The following GIT2 variants were observed in gnomAD, a reference collection of about 807,000 sequenced individuals.
The protein encoded by GIT2 is GIT ArfGAP 2, also known as ARF GTPase-activating protein GIT2.
Under a neutral mutation model 100.3 loss-of-function variants are expected in GIT2, and 32 were observed. That is an observed-to-expected ratio of 0.32 (90% confidence interval 0.24 to 0.43). The LOEUF is 0.43. Ranked by LOEUF, GIT2 falls within the 20% of genes least tolerant of loss-of-function variation. The probability of loss-of-function intolerance (pLI) is 1.00; values close to 1 mark genes in which losing one functional copy is unlikely to be tolerated. For missense variants in GIT2, 737 were observed against 975.1 expected (o/e 0.76, Z 3.25); for synonymous variants, 353 against 364.1 (o/e 0.97, Z 0.35).
rs753491847 is a variant in GIT2 at position 109,962,420 on chromosome 12, C to T, written c.817-735G>A. Among the ~76,000 whole-genome samples, 4 of 152,204 alleles carry T rather than the reference C, an allele frequency of 2.6e-5. No individual in the cohort carries two copies. Among genetic ancestry groups the T allele is most frequent in the Non-Finnish European group, 4.4e-5 (3 of 68,030 alleles). On this transcript the variant is annotated intron_variant, in intron 9 of 19. Coordinates refer to ENST00000355312, the MANE Select transcript of GIT2 (RefSeq NM_057169.5). This position sits in a 1 kb window ranked among gnomAD's most constrained non-coding sequence, Gnocchi z 4.3. Reference sequence around the variant, plus strand: ...GATAAAATGTGCCCTTGCACAAAAACGTGACTCAGACCTCAGCTGAGTTTC... The same window carrying T: ...GATAAAATGTGCCCTTGCACAAAAATGTGACTCAGACCTCAGCTGAGTTTC...
At chr12:109,965,626 T>C in intron 8 of GIT2, 49 bp from the exon 9 acceptor site, 1 of 1,179,088 alleles carries the variant, frequency 8.5e-7, no homozygotes. Flanking sequence ...GCCAGACTTG[T>C]GAACTCTGTA....
chr12:109,933,903 G>T lies in GIT2; in HGVS notation c.2067+119C>A, dbSNP rs1025434929. On this transcript the variant is annotated intron_variant, in intron 19 of 19. Transcript: ENST00000355312. The surrounding 1 kb of genome is among the most constrained non-coding windows in gnomAD (Gnocchi z 4.5). ...GGCGTGAGCCACCACACCCGGCCTCGACTGCATATTTTAAAACTGCATGTG... is the reference window on the plus strand; with the variant it reads ...GGCGTGAGCCACCACACCCGGCCTCTACTGCATATTTTAAAACTGCATGTG... The T allele has an allele frequency of 1.4e-6, 1 of 708,818 alleles. No homozygotes were observed. The highest frequency in any genetic ancestry group is 2.6e-6 in the Non-Finnish European group (1 of 380,250). 43.9% of individuals were successfully genotyped at this position (708,818 alleles called of 1,614,324 possible).
rs1871922362 is a variant in GIT2 at position 109,933,005 on chromosome 12, G to A, written c.2253C>T (p.Thr751=). The change falls in exon 20 of 20, where the codon ACC becomes ACT. Residue 751 remains threonine (T), a synonymous_variant. Coordinates refer to ENST00000355312, the MANE Select transcript of GIT2 (RefSeq NM_057169.5). The surrounding 1 kb of genome is among the most constrained non-coding windows in gnomAD (Gnocchi z 4.5). ...DIAKAAKQLV[T]ITTKENNN ...AGTTGTTGTTCTCTTTGGTGGTGAT[G>A]GTAACCAGCTGCTTGGCAGCCTTGG... is the stretch of plus-strand genomic sequence containing the variant. 13 of 1,611,436 alleles carry A rather than the reference G, an allele frequency of 8.1e-6. No individual in the cohort carries two copies. Among genetic ancestry groups the A allele is most frequent in the Non-Finnish European group, 1.1e-5 (13 of 1,177,718 alleles).
Position 109,991,577 on chromosome 12 carries a change from G to A in GIT2, c.186+50C>T, listed in dbSNP as rs780256827. 8.9e-6 allele frequency: 13 copies of A among 1,467,850 alleles called. No individual in the cohort carries two copies. In the African/African-American group the frequency reaches 1.5e-4, roughly 17 times the overall value. 90.9% of individuals were successfully genotyped at this position (1,467,850 alleles called of 1,614,324 possible). A position where few individuals can be genotyped will look rare whatever the true frequency, so the allele number is the denominator to read the frequency against. Reference sequence around the variant, plus strand: ...GAGAAATTTAAGTTATTAACATGATGAGCCCTAAAATGTAAATTACCAACT... The same window carrying A: ...GAGAAATTTAAGTTATTAACATGATAAGCCCTAAAATGTAAATTACCAACT... On this transcript the variant is annotated intron_variant, in intron 2 of 19. Transcript: ENST00000355312.
At chr12:109,937,317 G>C (rs1873318505) in intron 18 of GIT2, among the ~76,000 whole-genome samples, 1 of 152,202 alleles carries the variant, frequency 6.6e-6, no homozygotes, top group African/African-American at 2.4e-5. Flanking sequence ...TGTGGAAGAA[G>C]AAAACAGAGA....
rs777598907 is a variant in GIT2 at position 109,967,521 on chromosome 12, T to C, written c.719-18A>G. 2.6e-6 allele frequency: 4 copies of C among 1,558,838 alleles called. No homozygotes were observed. The highest frequency in any genetic ancestry group is 1.7e-4 in the Middle Eastern group (1 of 5,918). Reference sequence around the variant, plus strand: ...TTTGTGATCTGAAACAGAAACCAAGTCAAAGTTTTGTTCATAGAAATGTTG... The same window carrying C: ...TTTGTGATCTGAAACAGAAACCAAGCCAAAGTTTTGTTCATAGAAATGTTG... On this transcript the variant is annotated intron_variant, in intron 7 of 19. Transcript: ENST00000355312.
chr12:109,963,647 T>C (rs1373908184), intron 9 of GIT2, among the ~76,000 whole-genome samples: 2 of 152,174 alleles, frequency 1.3e-5, no homozygotes, highest in Admixed American at 1.3e-4. Context: ...CTTTGTTATA[T>C]TTCTCTCAGT....
chr12:109,991,588 T>A (rs1888413492), intron 2 of GIT2, 39 bp downstream of exon 2: 1 of 1,558,914 alleles, frequency 6.4e-7, no homozygotes, highest in African/African-American at 1.4e-5. Flanking sequence ...AGCCCTAAAA[T>A]GTAAATTACC....
Position 109,947,940 on chromosome 12 carries a change from C to CA in GIT2, c.1393-437dup. ...AGCAATTTGTAAAGGCCAAAAATGACAGCAGACACCATGGAAGCAGCACAA... is the reference window on the plus strand; with the variant it reads ...AGCAATTTGTAAAGGCCAAAAATGACAAGCAGACACCATGGAAGCAGCACAA... On this transcript the variant is annotated intron_variant, in intron 14 of 19. Coordinates refer to ENST00000355312, the MANE Select transcript of GIT2 (RefSeq NM_057169.5). This position sits in a 1 kb window ranked among gnomAD's most constrained non-coding sequence, Gnocchi z 4.3. 1 of 178,468 alleles carries CA rather than the reference C, an allele frequency of 5.6e-6. No homozygotes were observed. Among genetic ancestry groups the CA allele is most frequent in the Non-Finnish European group, 1.1e-5 (1 of 90,808 alleles). 11.1% of individuals were successfully genotyped at this position (178,468 alleles called of 1,614,324 possible). A position where few individuals can be genotyped will look rare whatever the true frequency, so the allele number is the denominator to read the frequency against.
chr12:109,983,732 A>AG, intron 4 of GIT2, 38 bp from the exon 5 acceptor site: 3 of 1,385,182 alleles, frequency 2.2e-6, no homozygotes, highest in Non-Finnish European at 3.1e-6. Flanking sequence ...TCGTGGTTAG[A>AG]GGTGTAAAGA....
chr12:109,967,038 C>T (rs1882679640), intron 8 of GIT2, among the ~76,000 whole-genome samples: 1 of 152,220 alleles, frequency 6.6e-6, no homozygotes, highest in African/African-American at 2.4e-5. Flanking sequence ...CAGATGCTTT[C>T]ATCTACAACA....
At chr12:109,990,170 CTTACTTG>C (rs1421931798) in intron 2 of GIT2, among the ~76,000 whole-genome samples, 1 of 152,180 alleles carries the variant, frequency 6.6e-6, no homozygotes, top group East Asian at 1.9e-4. Flanking sequence ...TTTAAAGCCA[CTTACTTG>C]TAAAAACAAC....
intron 9 of GIT2, among the ~76,000 whole-genome samples, chr12:109,963,890 G>T (rs759048358): frequency 5.5e-4 from 84 of 152,322 alleles, no homozygotes; most frequent in Non-Finnish European, 3.4e-4. Flanking sequence ...TCTATGAGAG[G>T]ATGCCAAGGC....
At chr12:109,997,513 G>A (rs1209081280), upstream of GIT2, 1 of 152,158 alleles carries the variant, frequency 6.6e-6, no homozygotes, top group African/African-American at 2.4e-5. Flanking sequence ...GTTTTTGTAT[G>A]GCTTGCTACT....
chr12:109,989,611 G>A, intron 3 of GIT2, 79 bp downstream of exon 3: 1 of 823,696 alleles, frequency 1.2e-6, no homozygotes, highest in South Asian at 1.4e-5. Flanking sequence ...TGCGGAGACT[G>A]ACCAAAAATA....
chr12:109,983,158 A>C, intron 6 of GIT2: 1 of 489,016 alleles, frequency 2.0e-6, no homozygotes, highest in Non-Finnish European at 3.6e-6. Context: ...ATCAAGTAAA[A>C]GACTGGAAGC....
rs1872096215 is a variant in GIT2 at position 109,933,535 on chromosome 12, C to A, written c.2068-345G>T. The A allele has an allele frequency of 4.2e-6, 1 of 239,260 alleles. No individual in the cohort carries two copies. Among genetic ancestry groups the A allele is most frequent in the Admixed American group, 5.0e-5 (1 of 19,932 alleles). 14.8% of individuals were successfully genotyped at this position (239,260 alleles called of 1,614,324 possible). A position where few individuals can be genotyped will look rare whatever the true frequency, so the allele number is the denominator to read the frequency against. On this transcript the variant is annotated intron_variant, in intron 19 of 19. Coordinates refer to ENST00000355312, the MANE Select transcript of GIT2 (RefSeq NM_057169.5). This position sits in a 1 kb window ranked among gnomAD's most constrained non-coding sequence, Gnocchi z 4.5. The stretch of plus-strand genomic sequence containing the variant: ...TTTAGCACGACTTGTATATCCTTGT[C>A]TTATTAAATCAACATTCATGCAGAA...
Position 109,958,592 on chromosome 12 carries a change from C to A in GIT2, c.1099+1255G>T, listed in dbSNP as rs58603036. ...AAAGACTCTTGTCACTGTGCCTTCA[C>A]CAAAATTTAATAAACCTTTTCAGAA... is the stretch of plus-strand genomic sequence containing the variant. On this transcript the variant is annotated intron_variant, in intron 12 of 19. Coordinates refer to ENST00000355312, the MANE Select transcript of GIT2 (RefSeq NM_057169.5). Among the ~76,000 whole-genome samples, 28 of 152,184 alleles carry A rather than the reference C, an allele frequency of 1.8e-4. No homozygotes were observed. In the East Asian group the frequency reaches 5.4e-3, roughly 29 times the overall value.
chr12:109,967,418 T>G, intron 8 of GIT2, 40 bp downstream of exon 8: 10 of 1,511,868 alleles, frequency 6.6e-6, no homozygotes, highest in East Asian at 2.3e-5. Context: ...AAGGAAATAT[T>G]AGCGATAGAC....
Sources: gnomAD v4.1 joint callset for allele counts (sites outside exome capture counted in the v4.1 genomes callset) on GRCh38, gnomAD v4.1.1 for gene constraint, Gnocchi (gnomAD v3.1) non-coding constraint, MANE v1.5 for transcripts, NCBI Gene and HGNC (gene_info 2026-07-23, HGNC 2026-07-21) for gene names.